Variants in CCDC7 observed in about 807,000 individuals in gnomAD.
CCDC7 encodes the protein coiled-coil domain containing 7.
Under a neutral mutation model 196.9 loss-of-function variants are expected in CCDC7, and 183 were observed. The ratio of observed to expected loss-of-function variants is 0.93; its 90% confidence interval spans 0.82 to 1.05. CCDC7 has a LOEUF of 1.05. Among genes scored for constraint, CCDC7 ranks in the 50% least tolerant of loss-of-function variants. The pLI is 0.00. For synonymous variants in CCDC7, 525 were observed against 484.6 expected, an observed-to-expected ratio of 1.08 and a Z score of -1.10; for missense variants, 1,540 against 1,482.2, an observed-to-expected ratio of 1.04 and a Z score of -0.64.
At chr10:32,826,277 A>G (rs1028405353) in intron 32 of CCDC7, among the ~76,000 whole-genome samples, 2 of 152,242 alleles carry the variant, frequency 1.3e-5, no homozygotes, top group Non-Finnish European at 2.9e-5. Context: ...ATATGAGCAG[A>G]AATTTGAAGA....
intron 24 of CCDC7, among the ~76,000 whole-genome samples, chr10:32,703,954 G>A (rs181916017): frequency 4.1e-4 from 62 of 152,078 alleles, no homozygotes; most frequent in African/African-American, 1.4e-3. Flanking sequence ...TTTGCCATGG[G>A]TTAGAACTTC....
At chr10:32,633,333 G>C (rs2065142042) in intron 18 of CCDC7, among the ~76,000 whole-genome samples, 1 of 152,142 alleles carries the variant, frequency 6.6e-6, no homozygotes. Flanking sequence ...TTCAATTCCA[G>C]TTTATCCTCT....
intron 20 of CCDC7, among the ~76,000 whole-genome samples, chr10:32,656,300 G>A (rs2069851505): frequency 6.6e-6 from 1 of 152,172 alleles, no homozygotes; most frequent in Admixed American, 6.5e-5. Context: ...TATGTTTATT[G>A]CAGCATTATT....
chr10:32,745,663 C>A (rs958256406), intron 28 of CCDC7, among the ~76,000 whole-genome samples: 1 of 152,094 alleles, frequency 6.6e-6, no homozygotes, highest in Non-Finnish European at 1.5e-5. Context: ...TCTACATGAC[C>A]TTTGGAGGGG....
At chr10:32,721,104 A>G (rs997670144) in intron 25 of CCDC7, among the ~76,000 whole-genome samples, 1 of 152,144 alleles carries the variant, frequency 6.6e-6, no homozygotes, top group Non-Finnish European at 1.5e-5. Flanking sequence ...AAAAGAAAAA[A>G]AAAAGATATT....
intron 2 of CCDC7, among the ~76,000 whole-genome samples, chr10:32,455,210 GT>G (rs55778385): frequency 4.0e-5 from 6 of 151,496 alleles, no homozygotes; most frequent in South Asian, 2.1e-4. Context: ...GGATGATTTA[GT>G]TTTTTTTCCC....
intron 16 of CCDC7, among the ~76,000 whole-genome samples, chr10:32,576,324 G>A (rs1439394482): frequency 1.3e-5 from 2 of 151,312 alleles, no homozygotes; most frequent in Non-Finnish European, 2.9e-5. Flanking sequence ...AAAAAGAAAA[G>A]GAGTATACTA....
intron 29 of CCDC7, among the ~76,000 whole-genome samples, chr10:32,801,733 C>T (rs532938127): frequency 6.6e-6 from 1 of 152,244 alleles, no homozygotes; most frequent in East Asian, 1.9e-4. Flanking sequence ...TCTTGCCTGG[C>T]ACCTGCCCCA....
At chr10:32,875,886 G>A (rs1216607799) in intron 41 of CCDC7, among the ~76,000 whole-genome samples, 2 of 151,918 alleles carry the variant, frequency 1.3e-5, no homozygotes, top group Admixed American at 1.3e-4. Context: ...GGCATATTAA[G>A]TATATACATT....
intron 9 of CCDC7, among the ~76,000 whole-genome samples, chr10:32,506,726 CCTGGAAT>C (rs1302833590): frequency 7.0e-6 from 1 of 143,160 alleles, no homozygotes; most frequent in African/African-American, 3.0e-5. Flanking sequence ...GCGGTGTGTG[CCTGGAAT>C]CCCAGGCACT....
intron 8 of CCDC7, among the ~76,000 whole-genome samples, chr10:32,488,831 G>A (rs1479943442): frequency 6.6e-6 from 1 of 152,134 alleles, no homozygotes; most frequent in Non-Finnish European, 1.5e-5. Flanking sequence ...TAGACTTTAT[G>A]GACTAGTTTT....
intron 18 of CCDC7, among the ~76,000 whole-genome samples, chr10:32,629,624 G>A (rs1205735676): frequency 1.3e-5 from 2 of 152,116 alleles, no homozygotes; most frequent in African/African-American, 2.4e-5. Flanking sequence ...TAGCAGTGGG[G>A]GAGACTTTGG....
chr10:32,506,522 T>C lies in CCDC7; in HGVS notation c.873-11423T>C, dbSNP rs910770809. On this transcript the variant is annotated intron_variant, in intron 9 of 41. Coordinates refer to ENST00000639629, the Ensembl canonical transcript of CCDC7. ...GCAGGTGGCTGGGAGGTGGAGGTTGTAGCGAGCCGAGATCACGCCACTGCA... is the reference window on the plus strand; with the variant it reads ...GCAGGTGGCTGGGAGGTGGAGGTTGCAGCGAGCCGAGATCACGCCACTGCA... Among the ~76,000 whole-genome samples the C allele has an allele frequency of 3.9e-5, 6 of 152,240 alleles. No homozygotes were observed. In the South Asian group the frequency reaches 6.2e-4, roughly 16 times the overall value.
chr10:32,831,133 T>C (rs2092118144), intron 32 of CCDC7, among the ~76,000 whole-genome samples: 1 of 152,198 alleles, frequency 6.6e-6, no homozygotes, highest in South Asian at 2.1e-4. Flanking sequence ...TACAGACTTG[T>C]ACAGCATGTT....
At chr10:32,709,875 GCTCTCACTCTC>G (rs1462861043) in intron 24 of CCDC7, among the ~76,000 whole-genome samples, 2 of 113,580 alleles carry the variant, frequency 1.8e-5, no homozygotes, top group Non-Finnish European at 4.2e-5. Flanking sequence ...ATCATTGACT[GCTCTCACTCTC>G]GTCATTGACT....
chr10:32,511,267 G>GGGT (rs1554813032), intron 9 of CCDC7: 7 of 553,506 alleles, frequency 1.3e-5, no homozygotes, highest in Admixed American at 9.8e-5. Context: ...GGGGCGGGGG[G>GGGT]GGCGGGGAAA....
chr10:32,640,332 A>G (rs1053032599), intron 20 of CCDC7, among the ~76,000 whole-genome samples: 4 of 151,228 alleles, frequency 2.6e-5, no homozygotes, highest in Non-Finnish European at 3.0e-5. Flanking sequence ...TGTTGGTTTA[A>G]AGTACTTTTT....
intron 24 of CCDC7, among the ~76,000 whole-genome samples, chr10:32,698,938 T>C (rs2078176649): frequency 6.6e-6 from 1 of 152,106 alleles, no homozygotes; most frequent in African/African-American, 2.4e-5. Flanking sequence ...GGAAAAATGT[T>C]AAGGGCAGCT....
rs1422969388 is a variant in CCDC7, at chr10:32,863,508, A to G, written c.4111+9019A>G. ...GCTAAGACTACAGGTGCACACCACC[A>G]CATTCAGCTATTTTTTTAATTTTTT... is the stretch of plus-strand genomic sequence containing the variant. On this transcript the variant is annotated intron_variant, in intron 41 of 41. Transcript: ENST00000639629. Among the ~76,000 whole-genome samples the G allele has an allele frequency of 2.0e-5, 3 of 152,118 alleles. No homozygotes were observed. In the East Asian group the frequency reaches 5.8e-4, roughly 29 times the overall value.
Sources: gnomAD v4.1 joint callset for allele counts (sites outside exome capture counted in the v4.1 genomes callset) on GRCh38, gnomAD v4.1.1 for gene constraint, MANE v1.5 for transcripts, NCBI Gene and HGNC (gene_info 2026-07-23, HGNC 2026-07-21) for gene names.